The following TOPBP1 variants were observed in gnomAD, a reference collection of about 807,000 sequenced individuals.
The protein encoded by TOPBP1 is DNA topoisomerase II binding protein 1.
A neutral mutation model predicts 167.7 loss-of-function variants in TOPBP1; 28 were observed. The ratio of observed to expected loss-of-function variants is 0.17; its 90% CI spans 0.12 to 0.23. The LOEUF is 0.23. Among genes scored for constraint, TOPBP1 ranks in the 10% least tolerant of loss-of-function variants. TOPBP1 has a pLI of 1.00. For synonymous variants in TOPBP1, 598 were observed against 611.4 expected (o/e 0.98, Z 0.32); for missense variants, 1,554 against 1,809.6 (o/e 0.86, Z 2.56).
At chr3:133,653,799 T>A (rs1290655440) in intron 6 of TOPBP1, among the ~76,000 whole-genome samples, 1 of 152,000 alleles carries the variant, frequency 6.6e-6, no homozygotes, top group African/African-American at 2.4e-5. Context: ...CTGGCTAATT[T>A]TTTTGTATTT....
intron 6 of TOPBP1, among the ~76,000 whole-genome samples, 162 bp downstream of exon 6, chr3:133,655,128 A>G (rs78936621): frequency 6.6e-6 from 1 of 152,122 alleles, no homozygotes; most frequent in East Asian, 1.9e-4. Context: ...TCGCTTGATC[A>G]AGGGAGGCAG....
At position 133,644,297 on chromosome 3, in the gene TOPBP1, G is replaced by T. The variant is rs1936001979; in HGVS notation, c.1571C>A (p.Ser524Tyr). 6.2e-7 allele frequency: 1 copy of T among 1,613,228 alleles called. No individual in the cohort carries two copies. Among genetic ancestry groups the T allele is most frequent in the Admixed American group, 1.7e-5 (1 of 59,886 alleles). ...DSTHAEPLND[S>Y]THISLQEENQ... ...TTCTTCTTGCAAAGAAATGTGAGTA[G>T]AATCATTCAAGGGCTCAGCATGAGT... is the stretch of plus-strand genomic sequence containing the variant. Residue 524 changes from serine to tyrosine, a missense_variant, in exon 11 of 28, where the codon TCT becomes TAT. Physicochemically the swap from Ser to Tyr is moderately radical, Grantham distance 144. Around this residue, in one of 3 missense-constraint regions of TOPBP1, gnomAD observed 1,197 missense variants for 1,351.5 expected, o/e 0.89. Transcript: ENST00000260810.
intron 20 of TOPBP1, among the ~76,000 whole-genome samples, chr3:133,619,605 T>C (rs1396087642): frequency 1.3e-5 from 2 of 152,162 alleles, no homozygotes; most frequent in African/African-American, 4.8e-5. Flanking sequence ...CTTTAAGATT[T>C]TACATATTGC....
intron 12 of TOPBP1, among the ~76,000 whole-genome samples, chr3:133,640,389 A>C (rs1280058195): frequency 6.6e-6 from 1 of 152,202 alleles, no homozygotes; most frequent in African/African-American, 2.4e-5. Flanking sequence ...TTATAAAAAC[A>C]TAATTAGACA....
intron 23 of TOPBP1, among the ~76,000 whole-genome samples, chr3:133,613,575 G>A (rs1376830258): frequency 6.6e-6 from 1 of 152,092 alleles, no homozygotes; most frequent in Non-Finnish European, 1.5e-5. Flanking sequence ...AGAAGCTTGG[G>A]AAGAAAACAC....
chr3:133,651,927 T>C (rs924210216), intron 8 of TOPBP1, among the ~76,000 whole-genome samples: 6 of 152,100 alleles, frequency 3.9e-5, no homozygotes, highest in East Asian at 1.9e-4. Flanking sequence ...TGGATGATAG[T>C]TTAAAGTCCA....
Position 133,612,513 on chromosome 3 carries a change from C to T in TOPBP1, c.3911G>A (p.Cys1304Tyr), listed in dbSNP as rs1473446101. 3 of 1,613,746 alleles carry T rather than the reference C, an allele frequency of 1.9e-6. No homozygotes were observed. The highest frequency in any genetic ancestry group is 1.7e-6 in the Non-Finnish European group (2 of 1,179,814). Residue 1304 changes from cysteine (C) to tyrosine (Y), a missense_variant, in exon 24 of 28, where the codon TGT becomes TAT. Transcript: ENST00000260810. ...VIEKQCFDPT[C>Y]THIVVGHPLR... is the part of the protein sequence containing the mutation. ...TGGATGTCCCACAACAATGTGTGTA[C>T]AGGTGGGATCAAAGCACTGCTTTTC... is the stretch of plus-strand genomic sequence containing the variant.
At chr3:133,629,250 T>C (rs1250087650) in intron 14 of TOPBP1, among the ~76,000 whole-genome samples, 1 of 152,238 alleles carries the variant, frequency 6.6e-6, no homozygotes, top group Non-Finnish European at 1.5e-5. Context: ...GTTGTCCAAA[T>C]GGCTTGCTCA....
chr3:133,616,946 T>C (rs766710315), intron 22 of TOPBP1, 21 bp from the exon 23 acceptor site: 1 of 1,407,142 alleles, frequency 7.1e-7, no homozygotes, highest in Non-Finnish European at 9.5e-7. Flanking sequence ...AGTTTTACTT[T>C]AGAAAAAATT....
rs371236099 is a variant in TOPBP1 at position 133,644,300 on chromosome 3, T to A, written c.1568A>T (p.Asp523Val). The A allele has an allele frequency of 1.2e-6, 2 of 1,613,118 alleles. No individual in the cohort carries two copies. The highest frequency in any genetic ancestry group is 1.3e-5 in the African/African-American group (1 of 74,856). Residue 523 changes from aspartate to valine, a missense_variant, in exon 11 of 28, where the codon GAT (aspartate) becomes GTT (valine). By Grantham distance (152) the Asp-to-Val change is radical (BLOSUM62 -3). This residue lies in a region of TOPBP1 where 1,197 missense variants were observed against 1,351.5 expected (regional missense o/e 0.89). Transcript: ENST00000260810. Reference sequence around the variant, plus strand: ...TTCTTGCAAAGAAATGTGAGTAGAATCATTCAAGGGCTCAGCATGAGTAGA... The same window carrying A: ...TTCTTGCAAAGAAATGTGAGTAGAAACATTCAAGGGCTCAGCATGAGTAGA... ...NDSTHAEPLNDSTHISLQEEN... is the reference protein window; with the variant it reads ...NDSTHAEPLNVSTHISLQEEN...
rs1936364096 is a variant in TOPBP1 at position 133,653,330 on chromosome 3, C to T, written c.922+15G>A. On this transcript the variant is annotated intron_variant, in intron 7 of 27. Transcript: ENST00000260810. ...CTGTCTTCAGAATAATTATTTTAAT[C>T]TCAATGAGACTCACTATCAATTGTG... 1 of 1,544,354 alleles carries T rather than the reference C, an allele frequency of 6.5e-7. No individual in the cohort carries two copies. Among genetic ancestry groups the T allele is most frequent in the Non-Finnish European group, 8.7e-7 (1 of 1,150,732 alleles).
At chr3:133,630,869 G>A (rs1048035929) in intron 14 of TOPBP1, among the ~76,000 whole-genome samples, 1 of 152,168 alleles carries the variant, frequency 6.6e-6, no homozygotes, top group South Asian at 2.1e-4. Context: ...ACATGTTTGG[G>A]AATTTTTATG....
intron 14 of TOPBP1, among the ~76,000 whole-genome samples, chr3:133,629,062 A>G (rs1379424469): frequency 6.6e-6 from 1 of 152,158 alleles, no homozygotes; most frequent in Non-Finnish European, 1.5e-5. Flanking sequence ...AAACAAAACA[A>G]ACCAAAAAAA....
At chr3:133,619,122 A>C (rs1054889369) in intron 20 of TOPBP1, among the ~76,000 whole-genome samples, 5 of 145,476 alleles carry the variant, frequency 3.4e-5, no homozygotes, top group African/African-American at 4.9e-5. Flanking sequence ...AAAAAAAAAA[A>C]AAACAAAAAA....
chr3:133,622,583 A>G (rs1935129370), intron 19 of TOPBP1, among the ~76,000 whole-genome samples: 1 of 152,122 alleles, frequency 6.6e-6, no homozygotes, highest in Admixed American at 6.5e-5. Flanking sequence ...ATAAGGAACT[A>G]ATAACACTGG....
intron 14 of TOPBP1, among the ~76,000 whole-genome samples, chr3:133,634,062 G>T (rs944012782): frequency 6.6e-6 from 1 of 152,208 alleles, no homozygotes; most frequent in African/African-American, 2.4e-5. Flanking sequence ...GTTCAACTCA[G>T]TTTGGACTGG....
At chr3:133,629,454 TGG>T (rs1313958236) in intron 14 of TOPBP1, among the ~76,000 whole-genome samples, 1 of 152,204 alleles carries the variant, frequency 6.6e-6, no homozygotes, top group Non-Finnish European at 1.5e-5. Context: ...CCCAGTGCAG[TGG>T]CTCCTGTCAG....
chr3:133,650,364 T>TG (rs370640063), intron 8 of TOPBP1, among the ~76,000 whole-genome samples: 9 of 99,360 alleles, frequency 9.1e-5, no homozygotes, highest in South Asian at 8.8e-4. Context: ...TGTGTGTGTG[T>TG]GGGGGGCGGG....
intron 19 of TOPBP1, 40 bp from the exon 20 acceptor site, chr3:133,620,387 T>C (rs547139371): frequency 6.3e-7 from 1 of 1,581,066 alleles, no homozygotes; most frequent in African/African-American, 1.4e-5. Flanking sequence ...GGTAAGTTCC[T>C]CTTTTTTACC....
Sources: allele counts gnomAD v4.1 joint callset (sites outside exome capture counted in the v4.1 genomes callset), GRCh38; gene constraint gnomAD v4.1.1; regional missense constraint gnomAD v4.1.1; transcripts MANE v1.5; gene names NCBI Gene and HGNC (gene_info 2026-07-23, HGNC 2026-07-21).